Variants in APOL2 observed in about 807,000 individuals in gnomAD.
APOL2 encodes the protein apolipoprotein L, 2.
A neutral mutation model predicts 7.1 loss-of-function variants in APOL2; 8 were observed. The observed-to-expected ratio is 1.12, with a 90% CI of 0.66 to 2.03. The LOEUF (loss-of-function observed/expected upper bound fraction) is 2.03. Among genes scored for constraint, APOL2 ranks in the 30% most tolerant of loss-of-function variants. The pLI, the probability that APOL2 is intolerant of heterozygous loss-of-function variation, is 0.00. For missense variants in APOL2, 471 were observed against 415.1 expected, an observed-to-expected ratio of 1.13 and a Z score of -1.17; for synonymous variants, 177 against 159.9, an observed-to-expected ratio of 1.11 and a Z score of -0.81.
In APOL2 at chr22:36,239,134, A is replaced by G. The variant is rs375902623; in HGVS notation, c.-134+307T>C. The G allele has an allele frequency of 1.8e-5, 21 of 1,199,362 alleles. No individual in the cohort carries two copies. The East Asian group carries it at 2.0e-4, about 11-fold the overall frequency. The allele number at this position is 1,199,362 out of a possible 1,614,324, so 74.3% of individuals were successfully genotyped here. A position where few individuals can be genotyped will look rare whatever the true frequency, so the allele number is the denominator to read the frequency against. On this transcript the variant is annotated intron_variant, in intron 1 of 4. Coordinates refer to ENST00000358502, the MANE Select transcript of APOL2 (RefSeq NM_030882.4). ...AAAGAGATGGGCACCCCCAACACCT[A>G]CCTTTCTTCTGGGGTCAGCTGGCCG...
At chr22:36,236,950 G>T in intron 1 of APOL2, 1 of 1,339,454 alleles carries the variant, frequency 7.5e-7, no homozygotes, top group South Asian at 2.0e-5. Context: ...TTCACTCTGT[G>T]ACACCCTAGG....
At chr22:36,236,783 T>G (rs896460475) in intron 1 of APOL2, 3 of 1,090,496 alleles carry the variant, frequency 2.8e-6, no homozygotes, top group Non-Finnish European at 3.3e-6. Context: ...CATCCAGATA[T>G]CTGTCTTCTG....
At chr22:36,231,316 T>C (rs2015214037) in intron 4 of APOL2, 24 bp downstream of exon 4, 4 of 1,610,190 alleles carry the variant, frequency 2.5e-6, no homozygotes, top group Admixed American at 1.7e-5. Flanking sequence ...GGGCGCCCCA[T>C]GGAGTTAACC....
chr22:36,236,014 A>G (rs966223165), intron 1 of APOL2, among the ~76,000 whole-genome samples: 2 of 152,172 alleles, frequency 1.3e-5, no homozygotes, highest in Non-Finnish European at 2.9e-5. Context: ...TTTGAGAGAA[A>G]CTGAGGAAAT....
intron 4 of APOL2, among the ~76,000 whole-genome samples, chr22:36,230,256 T>C (rs758255312): frequency 5.3e-5 from 8 of 152,164 alleles, no homozygotes; most frequent in Non-Finnish European, 1.2e-4. Context: ...AAATGGTCAC[T>C]AAGGCATGCC....
Position 36,227,717 on chromosome 22 carries a change from G to A in APOL2, c.701C>T (p.Pro234Leu). The A allele has an allele frequency of 6.2e-7, 1 of 1,614,210 alleles. No individual in the cohort carries two copies. The highest frequency in any genetic ancestry group is 1.3e-5 in the African/African-American group (1 of 75,056). ...IRAIRRARAN[P>L]QLGAYAPPPH... ...GGGTGGGGCATACGCTCCTAACTGA[G>A]GGTTGGCTCTGGCTCGTCTGATGGC... Residue 234 changes from proline to leucine, a missense_variant, in exon 5 of 5, where the codon CCT becomes CTT. Coordinates refer to ENST00000358502, the MANE Select transcript of APOL2 (RefSeq NM_030882.4).
At chr22:36,237,899 C>A (rs965361651) in intron 1 of APOL2, among the ~76,000 whole-genome samples, 1 of 152,186 alleles carries the variant, frequency 6.6e-6, no homozygotes, top group Non-Finnish European at 1.5e-5. Context: ...CCACTCCCAT[C>A]CCCAGCCTCA....
At chr22:36,237,355 G>C in intron 1 of APOL2, 1 of 1,310,668 alleles carries the variant, frequency 7.6e-7, no homozygotes, top group Non-Finnish European at 9.8e-7. Flanking sequence ...GTGGTTGTGG[G>C]GCATCCTCCT....
At chr22:36,229,055 T>C (rs1431333918) in intron 4 of APOL2, among the ~76,000 whole-genome samples, 3 of 152,260 alleles carry the variant, frequency 2.0e-5, no homozygotes, top group East Asian at 1.9e-4. Flanking sequence ...CCTTCCACAC[T>C]CACCCACTGC....
intron 4 of APOL2, among the ~76,000 whole-genome samples, chr22:36,229,197 G>T (rs1164267624): frequency 3.3e-5 from 5 of 152,146 alleles, no homozygotes; most frequent in Non-Finnish European, 7.4e-5. Context: ...GGTGGTTGAG[G>T]GTCTGACCTG....
intron 1 of APOL2, among the ~76,000 whole-genome samples, chr22:36,235,614 C>A (rs752827317): frequency 1.2e-4 from 18 of 151,828 alleles, no homozygotes; most frequent in Admixed American, 1.2e-3. Context: ...TCACGGAAAT[C>A]CTCCAGAAAA....
At chr22:36,237,063 G>T (rs1460421623) in intron 1 of APOL2, 1 of 1,519,848 alleles carries the variant, frequency 6.6e-7, no homozygotes. Context: ...CCTCGGACCT[G>T]CCCAATACTT....
At chr22:36,237,406 C>A (rs1557535) in intron 1 of APOL2, 249,059 of 1,218,028 alleles carry the variant, frequency 0.2, 27,004 homozygotes, top group Non-Finnish European at 0.22. Context: ...CCTGAGAAAT[C>A]GTCATTTTCA....
At chr22:36,229,482 C>G (rs1422687765) in intron 4 of APOL2, among the ~76,000 whole-genome samples, 1 of 152,248 alleles carries the variant, frequency 6.6e-6, no homozygotes, top group East Asian at 1.9e-4. Flanking sequence ...CCCACATTCA[C>G]ACAGGAGAAC....
rs1444371312 is a variant in APOL2 at position 36,231,343 on chromosome 22, G to T, written c.134C>A (p.Pro45His). The T allele has an allele frequency of 6.2e-7, 1 of 1,614,030 alleles. No homozygotes were observed. Among genetic ancestry groups the T allele is most frequent in the Non-Finnish European group, 8.5e-7 (1 of 1,179,918 alleles). Reference sequence around the variant, plus strand: ...GAGTTAACCCCATGGAGCTTACCTGGGCAGTTCAGCAGCAGCCACGAATCC... The same window carrying T: ...GAGTTAACCCCATGGAGCTTACCTGTGCAGTTCAGCAGCAGCCACGAATCC... Reference protein sequence around the residue: ...WNGFVAAAELPRDEADELRKA... With the variant: ...WNGFVAAAELHRDEADELRKA... Residue 45 changes from proline (P) to histidine (H), a missense_variant, in exon 4 of 5, where the codon CCC (proline) becomes CAC (histidine). By Grantham distance (77) the Pro-to-His change is moderately conservative. Coordinates refer to ENST00000358502, the MANE Select transcript of APOL2 (RefSeq NM_030882.4).
At position 36,227,601 on chromosome 22, in the gene APOL2, T is replaced by C; in HGVS notation, c.817A>G (p.Met273Val). The change falls in exon 5 of 5, where the codon ATG (methionine) becomes GTG (valine). Residue 273 changes from methionine to valine, a missense_variant. By Grantham distance (21) the Met-to-Val change is conservative (BLOSUM62 1). Transcript: ENST00000358502. ...GPAQAMSRGT[M>V]IVGAATGGIL... ...CCTCCAGTGGCTGCACCCACGATCA[T>C]GGTTCCTCTGCTCATTGCCTGGGCG... The C allele has an allele frequency of 6.2e-7, 1 of 1,614,288 alleles. No individual in the cohort carries two copies. Among genetic ancestry groups the C allele is most frequent in the Non-Finnish European group, 8.5e-7 (1 of 1,180,056 alleles).
chr22:36,235,924 C>T (rs960507631), intron 1 of APOL2, among the ~76,000 whole-genome samples: 4 of 151,830 alleles, frequency 2.6e-5, no homozygotes, highest in African/African-American at 4.8e-5. Flanking sequence ...GCCTACAAAA[C>T]GACCAGTCCA....
intron 1 of APOL2, chr22:36,236,853 G>T (rs1350999316): frequency 3.0e-5 from 37 of 1,220,796 alleles, no homozygotes; most frequent in Non-Finnish European, 3.8e-5. Context: ...TTCACCAGGG[G>T]AGTATGCAGA....
intron 3 of APOL2, among the ~76,000 whole-genome samples, chr22:36,231,750 A>G (rs992496213): frequency 2.0e-5 from 3 of 152,222 alleles, no homozygotes; most frequent in Non-Finnish European, 4.4e-5. Context: ...CTAGTGTCCT[A>G]TTGTAAGAAG....
Sources: gnomAD v4.1 joint callset for allele counts (sites outside exome capture counted in the v4.1 genomes callset) on GRCh38, gnomAD v4.1.1 for gene constraint, MANE v1.5 for transcripts, NCBI Gene and HGNC (gene_info 2026-07-23, HGNC 2026-07-21) for gene names.